Variants in OR1F1 observed in about 807,000 individuals in gnomAD.
The protein encoded by OR1F1 is olfactory receptor 1F1.
For missense variants in OR1F1, 493 were observed against 376.3 expected, an observed-to-expected ratio of 1.31 and a Z score of -2.57; for synonymous variants, 184 against 156.7, an observed-to-expected ratio of 1.17 and a Z score of -1.30.
upstream of OR1F1, among the ~76,000 whole-genome samples, chr16:3,202,188 C>T (rs764295893): frequency 4.6e-5 from 7 of 152,124 alleles, no homozygotes; most frequent in Non-Finnish European, 1.0e-4. Flanking sequence ...GTTTCATGTG[C>T]CCTGTGGCTG....
the OR1F1 span, among the ~76,000 whole-genome samples, chr16:3,198,662 C>T: frequency 2.6e-5 from 4 of 152,124 alleles, no homozygotes; most frequent in African/African-American, 4.8e-5. Flanking sequence ...TGGTAGAAAC[C>T]ATGAGGTCTT....
At chr16:3,202,512 C>G (rs954332671), upstream of OR1F1, among the ~76,000 whole-genome samples, 3 of 152,022 alleles carry the variant, frequency 2.0e-5, no homozygotes, top group African/African-American at 4.8e-5. Flanking sequence ...CTCCCCAGAT[C>G]TTTCGTAATT....
upstream of OR1F1, chr16:3,204,103 A>G (rs761237728): frequency 1.6e-6 from 1 of 640,648 alleles, no homozygotes; most frequent in Non-Finnish European, 2.7e-6. Context: ...TAGCAGTAGC[A>G]GCCCCAGCAG....
chr16:3,204,255 G>A (rs754597516), exon 1 of OR1F1: 4 of 1,605,432 alleles, frequency 2.5e-6, no homozygotes, highest in Non-Finnish European at 1.7e-6. Context: ...CCATGAGCGG[G>A]ACAAACCAGT....
the OR1F1 span, among the ~76,000 whole-genome samples, chr16:3,190,535 G>C: frequency 3.9e-5 from 6 of 152,178 alleles, no homozygotes; most frequent in African/African-American, 1.4e-4. Flanking sequence ...TTAATCACCT[G>C]ATGTCAGGAG....
the OR1F1 span, among the ~76,000 whole-genome samples, chr16:3,195,936 G>C: frequency 1.3e-5 from 2 of 152,342 alleles, no homozygotes; most frequent in African/African-American, 4.8e-5. Context: ...CCCACCAGGT[G>C]GGTTTGGTCA....
At chr16:3,190,467 G>A in the OR1F1 span, among the ~76,000 whole-genome samples, 1 of 152,144 alleles carries the variant, frequency 6.6e-6, no homozygotes, top group Non-Finnish European at 1.5e-5. Flanking sequence ...CCAGCACAAG[G>A]AGGCAGGGAG....
rs1414345152 is a variant in OR1F1 at position 3,204,369 on chromosome 16, G to A, written c.123G>A (p.Gly41=). 5.0e-6 allele frequency: 8 copies of A among 1,614,018 alleles called. No homozygotes were observed. In the Admixed American group the frequency reaches 1.3e-4, roughly 27 times the overall value. The change falls in exon 1 of 1, where the codon GGG becomes GGA. Residue 41 remains glycine, a synonymous_variant. Coordinates refer to ENST00000304646, the Ensembl canonical transcript of OR1F1. ...GCATGTACCTGGCCACTGTCCTGGG[G>A]AACCTGCTCATCATCCTGTCCGTAA...
At chr16:3,203,871 A>G (rs570624029), upstream of OR1F1, among the ~76,000 whole-genome samples, 1 of 152,310 alleles carries the variant, frequency 6.6e-6, no homozygotes, top group East Asian at 1.9e-4. Flanking sequence ...GGAGCCAGAA[A>G]AACAGTCCTG....
upstream of OR1F1, among the ~76,000 whole-genome samples, chr16:3,200,060 A>C (rs138154511): frequency 3.0e-3 from 464 of 152,172 alleles, 2 homozygotes; most frequent in Middle Eastern, 0.014. Context: ...CAGAATAGAC[A>C]GTACACCCTG....
At chr16:3,203,043 C>T (rs372591151), upstream of OR1F1, among the ~76,000 whole-genome samples, 7 of 152,266 alleles carry the variant, frequency 4.6e-5, no homozygotes, top group East Asian at 3.9e-4. Flanking sequence ...AATACAGGGT[C>T]GTGAGTTTCC....
At chr16:3,197,294 C>T in the OR1F1 span, among the ~76,000 whole-genome samples, 4 of 152,128 alleles carry the variant, frequency 2.6e-5, no homozygotes, top group Non-Finnish European at 5.9e-5. Context: ...GCTGGGATTA[C>T]AGGTGTGAGC....
chr16:3,196,182 G>A, the OR1F1 span, among the ~76,000 whole-genome samples: 1 of 152,202 alleles, frequency 6.6e-6, no homozygotes, highest in African/African-American at 2.4e-5. Flanking sequence ...TAGAGCACAA[G>A]ACTCTTAATC....
At chr16:3,195,809 A>G in the OR1F1 span, among the ~76,000 whole-genome samples, 1 of 152,170 alleles carries the variant, frequency 6.6e-6, no homozygotes, top group African/African-American at 2.4e-5. Context: ...AGAGGTGCTC[A>G]ATACATATTT....
At chr16:3,192,459 G>A in the OR1F1 span, among the ~76,000 whole-genome samples, 1 of 152,198 alleles carries the variant, frequency 6.6e-6, no homozygotes, top group South Asian at 2.1e-4. Flanking sequence ...AAAGTTACTG[G>A]GGGAATTTAG....
upstream of OR1F1, among the ~76,000 whole-genome samples, chr16:3,200,434 C>T (rs1286265874): frequency 6.6e-6 from 1 of 151,962 alleles, no homozygotes; most frequent in Non-Finnish European, 1.5e-5. Flanking sequence ...TGGTGAAACT[C>T]TGTCTCTACT....
chr16:3,202,889 C>G (rs1958151167), upstream of OR1F1, among the ~76,000 whole-genome samples: 1 of 152,044 alleles, frequency 6.6e-6, no homozygotes, highest in South Asian at 2.1e-4. Flanking sequence ...AGGTTACTAG[C>G]TTTTCTAAGG....
upstream of OR1F1, among the ~76,000 whole-genome samples, chr16:3,201,451 T>C (rs1958134278): frequency 6.6e-6 from 1 of 152,226 alleles, no homozygotes. Context: ...TGTAGAGCTC[T>C]AGTTTCTCTA....
At chr16:3,201,116 C>G (rs1314301920), upstream of OR1F1, among the ~76,000 whole-genome samples, 4 of 152,146 alleles carry the variant, frequency 2.6e-5, no homozygotes, top group East Asian at 7.7e-4. Context: ...AGCATAATGT[C>G]TCAGGGTTCA....
Sources: allele counts gnomAD v4.1 joint callset (sites outside exome capture counted in the v4.1 genomes callset), GRCh38; gene constraint gnomAD v4.1.1; transcripts MANE v1.5; gene names NCBI Gene and HGNC (gene_info 2026-07-23, HGNC 2026-07-21).